Variants in SIAE observed in about 807,000 individuals in gnomAD.
SIAE encodes sialate O-acetylesterase.
In SIAE, 39 loss-of-function variants were observed where a neutral mutation model predicts 52.6. That is an observed-to-expected ratio of 0.74 (90% CI 0.57 to 0.97). The LOEUF (loss-of-function observed/expected upper bound fraction) is 0.97, where lower values mean the gene tolerates loss of function less well. SIAE is among the 50% of genes least tolerant of loss of function. The pLI, the probability that SIAE is intolerant of heterozygous loss-of-function variation, is 0.00. For synonymous variants in SIAE, 233 were observed against 241.4 expected, an observed-to-expected ratio of 0.97 and a Z score of 0.32; for missense variants, 592 against 662.1, an observed-to-expected ratio of 0.89 and a Z score of 1.16.
At chr11:124,657,671 T>A (rs1943123096) in intron 3 of SIAE, among the ~76,000 whole-genome samples, 1 of 152,214 alleles carries the variant, frequency 6.6e-6, no homozygotes, top group African/African-American at 2.4e-5. Context: ...TTCACATTTG[T>A]GTGTAATTTC....
In SIAE at chr11:124,648,049, G is replaced by C. The variant is rs745692116; in HGVS notation, c.832+17C>G. On this transcript the variant is annotated intron_variant, in intron 6 of 9. Transcript: ENST00000263593. ...CGCTATCTGATACAATGGAGAAAGA[G>C]TACACTGAACACTTACCCTGGTACC... The C allele has an allele frequency of 3.8e-6, 6 of 1,575,784 alleles. No homozygotes were observed. The highest frequency in any genetic ancestry group is 1.7e-4 in the Middle Eastern group (1 of 5,978).
rs1220707276 is a variant in SIAE, at chr11:124,670,242, C to A, written c.68-721G>T. Among the ~76,000 whole-genome samples, 1 of 152,208 alleles carries A rather than the reference C, an allele frequency of 6.6e-6. No individual in the cohort carries two copies. The highest frequency in any genetic ancestry group is 1.5e-5 in the Non-Finnish European group (1 of 68,042). ...ATGTCTGAACAAAGGTCTTCTGTCA[C>A]AATTTTACCCATTCCACAAGCTAAA... On this transcript the variant is annotated intron_variant, in intron 1 of 9. Transcript: ENST00000263593. The surrounding 1 kb of genome is among the most constrained non-coding windows in gnomAD (Gnocchi z 4.5).
chr11:124,669,423 T>C lies in SIAE; in HGVS notation c.166A>G (p.Thr56Ala), dbSNP rs756175126. The change falls in exon 2 of 10, where the codon ACA becomes GCA. Residue 56 changes from threonine to alanine, a missense_variant. By Grantham distance (58) the Thr-to-Ala change is moderately conservative. Transcript: ENST00000263593. Reference sequence around the variant, plus strand: ...CCTTGGCGCAGGGTCACGGTCACTGTGGCTCCAGGTGTACCGAAGCCCCAT... The same window carrying C: ...CCTTGGCGCAGGGTCACGGTCACTGCGGCTCCAGGTGTACCGAAGCCCCAT... ...VIWGFGTPGATVTVTLRQGQE... is the reference protein window; with the variant it reads ...VIWGFGTPGAAVTVTLRQGQE... 1.1e-5 allele frequency: 18 copies of C among 1,614,084 alleles called. No individual in the cohort carries two copies. The Admixed American group carries it at 3.0e-4, about 27-fold the overall frequency.
upstream of SIAE, chr11:124,675,114 G>A (rs550107232): frequency 3.1e-5 from 29 of 929,730 alleles, no homozygotes; most frequent in African/African-American, 1.8e-4. Flanking sequence ...GGCTTGGGTT[G>A]TGTTAGGGAA....
chr11:124,649,763 G>C lies in SIAE; in HGVS notation c.578C>G (p.Ser193Ter). The C allele has an allele frequency of 6.2e-7, 1 of 1,614,208 alleles. No individual in the cohort carries two copies. The highest frequency in any genetic ancestry group is 8.5e-7 in the Non-Finnish European group (1 of 1,180,026). The change falls in exon 5 of 10, where the codon TCA becomes TGA. Residue 193 changes from serine (S) to a stop codon, truncating the protein, a stop_gained. Coordinates refer to ENST00000263593, the MANE Select transcript of SIAE (RefSeq NM_170601.5). LOFTEE classifies it high-confidence loss of function. Reference sequence around the variant, plus strand: ...ACGTCCAAAGAGCCAGCACACTGCTGACATGTACTTGAAATATCCATGGCC... The same window carrying C: ...ACGTCCAAAGAGCCAGCACACTGCTCACATGTACTTGAAATATCCATGGCC... ...NLGHGYFKYM[S>*]AVCWLFGRHL...
Position 124,635,997 on chromosome 11 carries a change from C to T in SIAE, c.*954G>A, listed in dbSNP as rs1942729644. ...TTACTTTCAGCCTCACTCTTTTCTT[C>T]TTCCAAATGGATTATCCTTAAACCT... On this transcript the variant is annotated 3_prime_UTR_variant, in exon 10 of 10. Coordinates refer to ENST00000263593, the MANE Select transcript of SIAE (RefSeq NM_170601.5). 6.6e-6 allele frequency: 1 copy of T among 152,142 alleles called. No homozygotes were observed. The highest frequency in any genetic ancestry group is 1.5e-5 in the Non-Finnish European group (1 of 68,028). 9.4% of individuals were successfully genotyped at this position (152,142 alleles called of 1,614,324 possible). A position where few individuals can be genotyped will look rare whatever the true frequency, so the allele number is the denominator to read the frequency against.
At chr11:124,673,881 T>TTTA, upstream of SIAE, 4 of 655,968 alleles carry the variant, frequency 6.1e-6, no homozygotes, top group South Asian at 4.3e-5. Context: ...TTTTTTTTTT[T>TTTA]AAAGAAAAAA....
intron 2 of SIAE, among the ~76,000 whole-genome samples, chr11:124,662,723 T>C (rs1340018391): frequency 6.6e-6 from 1 of 152,228 alleles, no homozygotes; most frequent in African/African-American, 2.4e-5. Context: ...ACCCGAGCCT[T>C]GTTCCCAAGA....
At chr11:124,672,327 G>A (rs561164165) in intron 1 of SIAE, among the ~76,000 whole-genome samples, 6 of 152,304 alleles carry the variant, frequency 3.9e-5, no homozygotes, top group Admixed American at 2.0e-4. Flanking sequence ...ATGCATTGGC[G>A]AGGAGCACAA....
chr11:124,649,776 A>G lies in SIAE; in HGVS notation c.565T>C (p.Phe189Leu). The G allele has an allele frequency of 6.2e-7, 1 of 1,614,216 alleles. No individual in the cohort carries two copies. The highest frequency in any genetic ancestry group is 8.5e-7 in the Non-Finnish European group (1 of 1,180,022). Residue 189 changes from phenylalanine to leucine, a missense_variant, in exon 5 of 10, where the codon TTC becomes CTC. Phe to Leu is a conservative substitution (Grantham distance 22, BLOSUM62 0). Transcript: ENST00000263593. ...PTSENLGHGY[F>L]KYMSAVCWLF... ...CAGCACACTGCTGACATGTACTTGAAATATCCATGGCCTAAGTTTTCTGTT... is the reference window on the plus strand; with the variant it reads ...CAGCACACTGCTGACATGTACTTGAGATATCCATGGCCTAAGTTTTCTGTT...
Position 124,636,915 on chromosome 11 carries a change from C to A in SIAE, c.*36G>T, listed in dbSNP as rs1177304182. ...CCTAAATGCTAAAATCTGAAGGACC[C>A]ATCCTTATATCTAAGTTCTGATCAT... On this transcript the variant is annotated 3_prime_UTR_variant, in exon 10 of 10. Transcript: ENST00000263593. The A allele has an allele frequency of 6.2e-6, 10 of 1,613,632 alleles. No individual in the cohort carries two copies. The highest frequency in any genetic ancestry group is 8.5e-6 in the Non-Finnish European group (10 of 1,179,910).
intron 2 of SIAE, among the ~76,000 whole-genome samples, chr11:124,663,428 A>C (rs910018577): frequency 6.6e-6 from 1 of 151,878 alleles, no homozygotes; most frequent in East Asian, 1.9e-4. Flanking sequence ...TACAAAAATG[A>C]GCTGGGCATG....
intron 2 of SIAE, among the ~76,000 whole-genome samples, chr11:124,663,624 T>C (rs773828104): frequency 5.3e-5 from 8 of 152,250 alleles, no homozygotes; most frequent in Non-Finnish European, 1.2e-4. Context: ...TGTAAGCATA[T>C]ACAAAGGACA....
chr11:124,647,121 T>C (rs1465143579), intron 7 of SIAE, among the ~76,000 whole-genome samples: 7 of 152,244 alleles, frequency 4.6e-5, no homozygotes, highest in Non-Finnish European at 1.0e-4. Flanking sequence ...GTAATGCTTT[T>C]TAAATAAGAA....
intron 1 of SIAE, among the ~76,000 whole-genome samples, chr11:124,672,476 T>G (rs1943379403): frequency 6.6e-6 from 1 of 152,132 alleles, no homozygotes; most frequent in Non-Finnish European, 1.5e-5. Context: ...ACAGGGAGAA[T>G]GACTTAAAGG....
At position 124,637,243 on chromosome 11, in the gene SIAE, G is replaced by A. The variant is rs554306906; in HGVS notation, c.1321-41C>T. Reference sequence around the variant, plus strand: ...TAAAATAGGAATGATTAGGTCAGAAGGGTCTTCCAAGAAACTGGGCACTGC... The same window carrying A: ...TAAAATAGGAATGATTAGGTCAGAAAGGTCTTCCAAGAAACTGGGCACTGC... On this transcript the variant is annotated intron_variant, in intron 9 of 9. Transcript: ENST00000263593. The A allele has an allele frequency of 1.2e-5, 20 of 1,613,570 alleles. No individual in the cohort carries two copies. In the South Asian group the frequency reaches 2.0e-4, roughly 16 times the overall value.
In SIAE at chr11:124,669,409, G is replaced by A. The variant is rs780074161; in HGVS notation, c.180C>T (p.Thr60=). The A allele has an allele frequency of 6.2e-7, 1 of 1,614,126 alleles. No homozygotes were observed. The highest frequency in any genetic ancestry group is 8.5e-7 in the Non-Finnish European group (1 of 1,180,030). The part of the protein sequence containing the change: ...FGTPGATVTV[T]LRQGQETIMK... ...TGATGGTTTCCTGACCTTGGCGCAG[G>A]GTCACGGTCACTGTGGCTCCAGGTG... is the stretch of plus-strand genomic sequence containing the variant. Residue 60 remains threonine (T), a synonymous_variant, in exon 2 of 10, where the codon ACC becomes ACT. Transcript: ENST00000263593.
chr11:124,640,909 C>T (rs913682324), intron 7 of SIAE, among the ~76,000 whole-genome samples: 2 of 152,184 alleles, frequency 1.3e-5, no homozygotes, highest in African/African-American at 2.4e-5. Context: ...AGGACAAGAG[C>T]GCCCCTGCTG....
chr11:124,655,951 A>C (rs577200118), intron 3 of SIAE, among the ~76,000 whole-genome samples: 27 of 152,268 alleles, frequency 1.8e-4, no homozygotes, highest in African/African-American at 6.5e-4. Flanking sequence ...GATGTCAACA[A>C]GTGGAAAATT....
Sources: allele counts gnomAD v4.1 joint callset (sites outside exome capture counted in the v4.1 genomes callset), GRCh38; gene constraint gnomAD v4.1.1; non-coding constraint Gnocchi (gnomAD v3.1); transcripts MANE v1.5; gene names NCBI Gene and HGNC (gene_info 2026-07-23, HGNC 2026-07-21).